Variants in CLVS1 observed in about 807,000 individuals in gnomAD.
CLVS1 encodes clavesin-1.
Under a neutral mutation model 33.1 loss-of-function variants are expected in CLVS1, and 10 were observed. The ratio of observed to expected loss-of-function variants is 0.30; its 90% CI spans 0.19 to 0.51. CLVS1 has a LOEUF of 0.51. Among genes scored for constraint, CLVS1 ranks in the 20% least tolerant of loss-of-function variants. CLVS1 has a pLI of 0.97. For synonymous variants in CLVS1, 163 were observed against 166.1 expected, an observed-to-expected ratio of 0.98 and a Z score of 0.14; for missense variants, 343 against 433.4, an observed-to-expected ratio of 0.79 and a Z score of 1.85.
At position 61,421,908 on chromosome 8, in the gene CLVS1, G is replaced by A. The variant is rs181946700; in HGVS notation, c.631-32233G>A. On this transcript the variant is annotated intron_variant, in intron 3 of 5. Transcript: ENST00000325897. ...CCAGCTAAAGCAGACTCCTTCATGGGATGAGGATCTTACAGCACTACTTCC... is the reference window on the plus strand; with the variant it reads ...CCAGCTAAAGCAGACTCCTTCATGGAATGAGGATCTTACAGCACTACTTCC... 1.8e-3 allele frequency among the ~76,000 whole-genome samples: 273 copies of A among 152,262 alleles called. 2 individuals carry two copies. Among genetic ancestry groups the A allele is most frequent in the South Asian group, 8.3e-4 (4 of 4,810 alleles).
intron 2 of CLVS1, among the ~76,000 whole-genome samples, chr8:61,146,968 T>C (rs1374443077): frequency 1.3e-5 from 2 of 152,234 alleles, no homozygotes; most frequent in Non-Finnish European, 2.9e-5. Flanking sequence ...TGGCAACATA[T>C]CTGAACTAGG....
intron 5 of CLVS1, among the ~76,000 whole-genome samples, chr8:61,497,445 G>GGT (rs1275044393): frequency 6.7e-6 from 1 of 148,626 alleles, no homozygotes; most frequent in Non-Finnish European, 1.5e-5. Context: ...TTTTTATTGG[G>GGT]GGGGGGGTGT....
chr8:61,187,948 A>G (rs1476335175), intron 2 of CLVS1, among the ~76,000 whole-genome samples: 1 of 152,038 alleles, frequency 6.6e-6, no homozygotes, highest in African/African-American at 2.4e-5. Flanking sequence ...CTGAGAAAGT[A>G]CTAAGTTAAC....
chr8:61,299,580 C>T, intron 1 of CLVS1, 97 bp from the exon 2 acceptor site: 1 of 493,788 alleles, frequency 2.0e-6, no homozygotes. Context: ...GACCCACAGC[C>T]TAATATACTG....
chr8:61,273,304 G>A (rs1189293880), intron 2 of CLVS1, among the ~76,000 whole-genome samples: 1 of 152,194 alleles, frequency 6.6e-6, no homozygotes, highest in Non-Finnish European at 1.5e-5. Context: ...AGGTTGCTCG[G>A]GGGTCAGGGT....
chr8:61,089,473 T>A (rs946984032), intron 1 of CLVS1, among the ~76,000 whole-genome samples: 1 of 152,212 alleles, frequency 6.6e-6, no homozygotes, highest in Non-Finnish European at 1.5e-5. Context: ...AGTCTCTACC[T>A]GGTTTATTAT....
the CLVS1 span, among the ~76,000 whole-genome samples, chr8:61,002,956 T>C: frequency 6.6e-6 from 1 of 152,238 alleles, no homozygotes; most frequent in African/African-American, 2.4e-5. Context: ...TTTGCAGGTG[T>C]GTCTTTCCTG....
intron 1 of CLVS1, among the ~76,000 whole-genome samples, chr8:61,120,966 C>G (rs79144771): frequency 2.7e-5 from 4 of 149,936 alleles, no homozygotes; most frequent in African/African-American, 5.0e-5. Context: ...GTGCCCCTCC[C>G]CCAGCCTCGC....
intron 3 of CLVS1, among the ~76,000 whole-genome samples, chr8:61,431,280 T>C (rs1816103050): frequency 6.6e-6 from 1 of 152,212 alleles, no homozygotes; most frequent in Non-Finnish European, 1.5e-5. Context: ...AAACAATGTA[T>C]TAAACAACGT....
intron 2 of CLVS1, among the ~76,000 whole-genome samples, chr8:61,177,802 CAAA>C (rs58292797): frequency 2.1e-4 from 29 of 141,384 alleles, no homozygotes; most frequent in Non-Finnish European, 2.2e-4. Flanking sequence ...ACAACAGCAT[CAAA>C]AAAAAAAAAA....
chr8:61,302,266 T>C (rs1254066750), intron 2 of CLVS1, among the ~76,000 whole-genome samples: 2 of 152,184 alleles, frequency 1.3e-5, no homozygotes, highest in Non-Finnish European at 2.9e-5. Flanking sequence ...TACTCTGTTA[T>C]TCTGTAATGA....
At chr8:61,162,886 G>A (rs1806779789) in intron 2 of CLVS1, among the ~76,000 whole-genome samples, 1 of 152,114 alleles carries the variant, frequency 6.6e-6, no homozygotes, top group Admixed American at 6.5e-5. Flanking sequence ...CCAGCTGGGG[G>A]CATGGTTATT....
In CLVS1 at chr8:61,443,600, A is replaced by G. The variant is rs536854551; in HGVS notation, c.631-10541A>G. 1.8e-3 allele frequency among the ~76,000 whole-genome samples: 277 copies of G among 152,290 alleles called. 1 individual carries two copies. The highest frequency in any genetic ancestry group is 6.4e-3 in the African/African-American group (264 of 41,572). On this transcript the variant is annotated intron_variant, in intron 3 of 5. Coordinates refer to ENST00000325897, the MANE Select transcript of CLVS1 (RefSeq NM_173519.3). ...CCTCTATTCTGTTCCCTTAATCTAT[A>G]TATCTTTTCCTCCACAAATACCACC...
chr8:61,058,545 T>A (rs1445088648), intron 1 of CLVS1, among the ~76,000 whole-genome samples: 1 of 152,206 alleles, frequency 6.6e-6, no homozygotes, highest in Non-Finnish European at 1.5e-5. Context: ...TAAATTGAGG[T>A]GGAATTAACA....
intron 1 of CLVS1, among the ~76,000 whole-genome samples, chr8:61,114,128 T>A (rs1377701187): frequency 6.6e-6 from 1 of 152,228 alleles, no homozygotes; most frequent in Non-Finnish European, 1.5e-5. Flanking sequence ...AAATTTGAAT[T>A]TCAGATAGTT....
At chr8:61,480,797 C>T (rs963980635) in intron 5 of CLVS1, among the ~76,000 whole-genome samples, 33 of 151,998 alleles carry the variant, frequency 2.2e-4, no homozygotes, top group African/African-American at 7.0e-4. Flanking sequence ...ATGATACAGA[C>T]GTGCATGGGC....
At chr8:61,250,409 T>C (rs1808913624) in intron 2 of CLVS1, among the ~76,000 whole-genome samples, 1 of 152,240 alleles carries the variant, frequency 6.6e-6, no homozygotes, top group Admixed American at 6.5e-5. Context: ...GGGCTCTTTT[T>C]TGGTTCCATA....
chr8:61,167,040 G>A (rs779270622), intron 2 of CLVS1, among the ~76,000 whole-genome samples: 10 of 150,926 alleles, frequency 6.6e-5, no homozygotes, highest in Non-Finnish European at 1.3e-4. Context: ...CTTTCTTGAT[G>A]GCATAAATTT....
chr8:61,218,573 C>T (rs950505214), intron 2 of CLVS1, among the ~76,000 whole-genome samples: 2 of 151,306 alleles, frequency 1.3e-5, no homozygotes, highest in Non-Finnish European at 2.9e-5. Context: ...CTGATTACCA[C>T]ACATTATATG....
Sources: gnomAD v4.1 joint callset for allele counts (sites outside exome capture counted in the v4.1 genomes callset) on GRCh38, gnomAD v4.1.1 for gene constraint, MANE v1.5 for transcripts, NCBI Gene and HGNC (gene_info 2026-07-23, HGNC 2026-07-21) for gene names.